Variants in BSND observed in about 807,000 individuals in gnomAD.
BSND encodes barttin.
In BSND, 13 loss-of-function variants were observed where a neutral mutation model predicts 18.8. That is an observed-to-expected ratio of 0.69 (90% CI 0.45 to 1.10). BSND has a LOEUF of 1.10. BSND is among the 50% of genes least tolerant of loss of function. The pLI is 0.00. For missense variants in BSND, 379 were observed against 416.7 expected (o/e 0.91, Z 0.79); for synonymous variants, 170 against 161.8 (o/e 1.05, Z -0.39).
Position 55,008,460 on chromosome 1 carries a change from C to T in BSND, c.795C>T (p.Asn265=), listed in dbSNP as rs762930545. 2 of 1,614,188 alleles carry T rather than the reference C, an allele frequency of 1.2e-6. No individual in the cohort carries two copies. Among genetic ancestry groups the T allele is most frequent in the East Asian group, 4.5e-5 (2 of 44,872 alleles). The part of the protein sequence containing the change: ...EGQQWEIALP[N]NWQRYPRTKV... Reference sequence around the variant, plus strand: ...AGCAGTGGGAAATAGCCCTGCCCAACAACTGGCAGCGGTACCCAAGGACAA... The same window carrying T: ...AGCAGTGGGAAATAGCCCTGCCCAATAACTGGCAGCGGTACCCAAGGACAA... Residue 265 remains asparagine (N), a synonymous_variant, in exon 4 of 4, where the codon AAC becomes AAT. Transcript: ENST00000651561.
rs188946518 is a variant in BSND, at chr1:55,006,281, G to A, written c.273-716G>A. On this transcript the variant is annotated intron_variant, in intron 2 of 3. Transcript: ENST00000651561. ...GCTCCTGTGATACAGTGGGGGCTCC[G>A]GCCACCCTGGGTTCTGAGCTCTTCC... is the stretch of plus-strand genomic sequence containing the variant. Among the ~76,000 whole-genome samples the A allele has an allele frequency of 8.2e-3, 1,243 of 152,232 alleles. 20 individuals are homozygous for A. Among genetic ancestry groups the A allele is most frequent in the African/African-American group, 0.027 (1,140 of 41,536 alleles).
intron 1 of BSND, among the ~76,000 whole-genome samples, chr1:55,003,773 G>A (rs1644374867): frequency 6.6e-6 from 1 of 152,212 alleles, no homozygotes; most frequent in Non-Finnish European, 1.5e-5. Context: ...ACCATGCTGA[G>A]GGATTCCCTA....
rs189253314 is a variant in BSND at position 55,015,088 on chromosome 1, T to A, written c.*6460T>A. Among the ~76,000 whole-genome samples, 6 of 152,318 alleles carry A rather than the reference T, an allele frequency of 3.9e-5. No individual in the cohort carries two copies. The highest frequency in any genetic ancestry group is 6.8e-3 in the Middle Eastern group (2 of 294). ...CTGATGGGCAAGGGGGATTAATTGA[T>A]GATTCTTGAGCAGAGGAGTGACATG... On this transcript the variant is annotated 3_prime_UTR_variant, in exon 4 of 4. Transcript: ENST00000651561.
Position 55,016,673 on chromosome 1 carries a change from GAT to G in BSND, c.*8046_*8047del, listed in dbSNP as rs1220060194. Among the ~76,000 whole-genome samples the G allele has an allele frequency of 1.3e-5, 2 of 152,204 alleles. No individual in the cohort carries two copies. Among genetic ancestry groups the G allele is most frequent in the Non-Finnish European group, 1.5e-5 (1 of 68,032 alleles). On this transcript the variant is annotated 3_prime_UTR_variant, in exon 4 of 4. Coordinates refer to ENST00000651561, the MANE Select transcript of BSND (RefSeq NM_057176.3). ...CTGGTCTCAAACTCCTGGATCAAGT[GAT>G]CCTCTGGCCTCAGCCTCCTGAGTAG...
At chr1:55,003,866 G>A (rs976231458) in intron 1 of BSND, among the ~76,000 whole-genome samples, 1 of 152,186 alleles carries the variant, frequency 6.6e-6, no homozygotes, top group Non-Finnish European at 1.5e-5. Context: ...TAAAATACAC[G>A]TAACATAAAA....
intron 1 of BSND, among the ~76,000 whole-genome samples, chr1:55,001,173 A>G (rs1644359548): frequency 6.7e-6 from 1 of 149,426 alleles, no homozygotes; most frequent in South Asian, 2.1e-4. Context: ...TGAGCCTTGT[A>G]CGGCTGATTG....
In BSND at chr1:55,008,999, G is replaced by A. The variant is rs539051449; in HGVS notation, c.*371G>A. On this transcript the variant is annotated 3_prime_UTR_variant, in exon 4 of 4. Transcript: ENST00000651561. ...GCCAGTCAGGTTTCCCATTCCTATT[G>A]TGTCTTATAGTCCACTTGGTAGATG... 36 of 366,506 alleles carry A rather than the reference G, an allele frequency of 9.8e-5. No homozygotes were observed. The highest frequency in any genetic ancestry group is 6.1e-4 in the African/African-American group (29 of 47,608). 22.7% of individuals were successfully genotyped at this position (366,506 alleles called of 1,614,324 possible). A position where few individuals can be genotyped will look rare whatever the true frequency, so the allele number is the denominator to read the frequency against.
In BSND at chr1:55,014,138, G is replaced by A. The variant is rs766977468; in HGVS notation, c.*5510G>A. On this transcript the variant is annotated 3_prime_UTR_variant, in exon 4 of 4. Coordinates refer to ENST00000651561, the MANE Select transcript of BSND (RefSeq NM_057176.3). ...CTTCAAGGACAGGGGCCTCTTCCCC[G>A]CCAATACTTCTATCCCCAGGACTTA... Among the ~76,000 whole-genome samples the A allele has an allele frequency of 2.0e-5, 3 of 152,198 alleles. No homozygotes were observed. Among genetic ancestry groups the A allele is most frequent in the African/African-American group, 2.4e-5 (1 of 41,446 alleles).
In BSND at chr1:55,007,105, C is replaced by T; in HGVS notation, c.381C>T (p.Asp127=). The T allele has an allele frequency of 3.7e-6, 6 of 1,614,196 alleles. No homozygotes were observed. Among genetic ancestry groups the T allele is most frequent in the Non-Finnish European group, 5.1e-6 (6 of 1,180,036 alleles). Residue 127 remains aspartate, a synonymous_variant, in exon 3 of 4, where the codon GAC becomes GAT. Transcript: ENST00000651561. ...IQMKVMSYSE[D]HRSLLAPEMG... The stretch of plus-strand genomic sequence containing the variant: ...TGAAAGTCATGAGCTACAGTGAGGA[C>T]CACCGCTCCTTGCTGGCCCCTGAGA...
In BSND at chr1:55,007,180, C is replaced by T. The variant is rs774504119; in HGVS notation, c.456C>T (p.Gly152=). 38 of 1,614,176 alleles carry T rather than the reference C, an allele frequency of 2.4e-5. No individual in the cohort carries two copies. The highest frequency in any genetic ancestry group is 2.8e-5 in the Non-Finnish European group (33 of 1,180,038). ...GTGATGGAGGAGAAGGTGGCCCTGGCGACGTTCAGGCCTGGATGGAGGCTG... is the reference window on the plus strand; with the variant it reads ...GTGATGGAGGAGAAGGTGGCCCTGGTGACGTTCAGGCCTGGATGGAGGCTG... ...GTSDGGEGGP[G]DVQAWMEAAV... Residue 152 remains glycine, a synonymous_variant, in exon 3 of 4, where the codon GGC becomes GGT. Coordinates refer to ENST00000651561, the MANE Select transcript of BSND (RefSeq NM_057176.3).
chr1:55,006,030 A>G (rs1570273012), intron 2 of BSND, among the ~76,000 whole-genome samples: 1 of 152,308 alleles, frequency 6.6e-6, no homozygotes, highest in African/African-American at 2.4e-5. Context: ...TGGGACCACC[A>G]ACCCCCTGGG....
At chr1:55,002,420 C>T (rs1410769298) in intron 1 of BSND, among the ~76,000 whole-genome samples, 1 of 152,168 alleles carries the variant, frequency 6.6e-6, no homozygotes, top group African/African-American at 2.4e-5. Flanking sequence ...CCCACGCATC[C>T]CCCATTCCTC....
chr1:55,016,533 G>C lies in BSND; in HGVS notation c.*7905G>C, dbSNP rs1466900944. 1.3e-5 allele frequency among the ~76,000 whole-genome samples: 2 copies of C among 152,200 alleles called. No individual in the cohort carries two copies. Among genetic ancestry groups the C allele is most frequent in the Non-Finnish European group, 2.9e-5 (2 of 68,032 alleles). ...TTTTCTGTGAGTGCCTTCACAGGGGGCTGCCCCTTGATTCAGCAATTCCAC... is the reference window on the plus strand; with the variant it reads ...TTTTCTGTGAGTGCCTTCACAGGGGCCTGCCCCTTGATTCAGCAATTCCAC... On this transcript the variant is annotated 3_prime_UTR_variant, in exon 4 of 4. Transcript: ENST00000651561.
At chr1:54,999,764 G>A (rs552948339) in intron 1 of BSND, among the ~76,000 whole-genome samples, 21 of 152,320 alleles carry the variant, frequency 1.4e-4, no homozygotes, top group African/African-American at 5.1e-4. Context: ...CACCTTCTGA[G>A]CCTTTCTGAG....
In BSND at chr1:55,000,463, G is replaced by A. The variant is rs1031455265; in HGVS notation, c.177+1100G>A. ...ACACTGTGTGAGTTAGGAGGGGGGGGTGGGAAAGGGGGTATATCTGGGGGC... is the reference window on the plus strand; with the variant it reads ...ACACTGTGTGAGTTAGGAGGGGGGGATGGGAAAGGGGGTATATCTGGGGGC... On this transcript the variant is annotated intron_variant, in intron 1 of 3. Transcript: ENST00000651561. 4.0e-5 allele frequency among the ~76,000 whole-genome samples: 6 copies of A among 150,908 alleles called. No homozygotes were observed. In the East Asian group the frequency reaches 1.2e-3, roughly 30 times the overall value.
In BSND at chr1:54,998,993, C is replaced by T. The variant is rs537113230; in HGVS notation, c.-194C>T. 47 of 641,904 alleles carry T rather than the reference C, an allele frequency of 7.3e-5. No homozygotes were observed. Among genetic ancestry groups the T allele is most frequent in the African/African-American group, 4.6e-4 (25 of 54,780 alleles). 39.8% of individuals were successfully genotyped at this position (641,904 alleles called of 1,614,324 possible). On this transcript the variant is annotated 5_prime_UTR_variant, in exon 1 of 4. Transcript: ENST00000651561. ...TGGGTGTGGGTCCGTTGAAGCGAGC[C>T]GCCTCCAGCCCTGTTGAACTGGTGG...
At chr1:55,006,892 G>A in intron 2 of BSND, 105 bp from the exon 3 acceptor site, 1 of 1,539,658 alleles carries the variant, frequency 6.5e-7, no homozygotes, top group Non-Finnish European at 8.9e-7. Context: ...AAGGCTTCTT[G>A]TGAGGTGAGG....
rs1644416520 is a variant in BSND at position 55,010,391 on chromosome 1, A to G, written c.*1763A>G. The G allele has an allele frequency of 6.6e-6, 1 of 152,324 alleles. No homozygotes were observed. Among genetic ancestry groups the G allele is most frequent in the Non-Finnish European group, 1.5e-5 (1 of 68,134 alleles). The allele number at this position is 152,324 out of a possible 1,614,324, so 9.4% of individuals were successfully genotyped here. On this transcript the variant is annotated 3_prime_UTR_variant, in exon 4 of 4. Transcript: ENST00000651561. ...TGCTATTGTTACGCTGATCCCTGCA[A>G]CGCTTGCCTGTGCCCCAGCCCAGGA...
rs1644450509 is a variant in BSND at position 55,016,187 on chromosome 1, A to G, written c.*7559A>G. Among the ~76,000 whole-genome samples, 1 of 152,198 alleles carries G rather than the reference A, an allele frequency of 6.6e-6. No individual in the cohort carries two copies. The highest frequency in any genetic ancestry group is 1.5e-5 in the Non-Finnish European group (1 of 68,032). ...AGCTGCCCAAAGAATGGGTAGGAAC[A>G]TGTCTGAAAGAGGTTACAGTTCCTA... On this transcript the variant is annotated 3_prime_UTR_variant, in exon 4 of 4. Transcript: ENST00000651561.
Sources: allele counts gnomAD v4.1 joint callset (sites outside exome capture counted in the v4.1 genomes callset), GRCh38; gene constraint gnomAD v4.1.1; transcripts MANE v1.5; gene names NCBI Gene and HGNC (gene_info 2026-07-23, HGNC 2026-07-21).